Variants in PAK4 observed in about 807,000 individuals in gnomAD.
The protein encoded by PAK4 is p21 (RAC1) activated kinase 4.
In PAK4, 49 loss-of-function variants were observed where a neutral mutation model predicts 53.5. That is an observed-to-expected ratio of 0.92 (90% confidence interval 0.73 to 1.16). PAK4 has a LOEUF of 1.16. Ranked by LOEUF, PAK4 falls within the 50% of genes most tolerant of loss-of-function variation. The probability of loss-of-function intolerance (pLI) is 0.00; values close to 1 mark genes in which losing one functional copy is unlikely to be tolerated. For missense variants in PAK4, 824 were observed against 850.7 expected, an observed-to-expected ratio of 0.97 and a Z score of 0.39; for synonymous variants, 376 against 375.6, an observed-to-expected ratio of 1.00 and a Z score of -0.01.
At chr19:39,134,173 G>A (rs1239640317) in intron 1 of PAK4, among the ~76,000 whole-genome samples, 2 of 152,192 alleles carry the variant, frequency 1.3e-5, no homozygotes, top group Non-Finnish European at 2.9e-5. Flanking sequence ...TATACACAGC[G>A]CTTCTAACTC....
chr19:39,154,673 TC>T (rs1174052648), intron 1 of PAK4, among the ~76,000 whole-genome samples: 5 of 152,186 alleles, frequency 3.3e-5, no homozygotes, highest in Non-Finnish European at 7.4e-5. Context: ...ATTGGGGACC[TC>T]GTTTCCTGTG....
chr19:39,129,376 C>T (rs1336416056), intron 1 of PAK4, among the ~76,000 whole-genome samples: 1 of 152,054 alleles, frequency 6.6e-6, no homozygotes, highest in Non-Finnish European at 1.5e-5. Context: ...TATAACCGTG[C>T]AGCAGTGGGC....
chr19:39,152,573 G>A (rs900547445), intron 1 of PAK4, among the ~76,000 whole-genome samples: 4 of 152,128 alleles, frequency 2.6e-5, no homozygotes, highest in Admixed American at 1.3e-4. Flanking sequence ...CAGTAAGAAC[G>A]AACCTTCTAT....
At chr19:39,156,042 C>T (rs1388141727) in intron 1 of PAK4, among the ~76,000 whole-genome samples, 1 of 152,180 alleles carries the variant, frequency 6.6e-6, no homozygotes, top group African/African-American at 2.4e-5. Flanking sequence ...ATCCACACCT[C>T]CCGGCCCTAT....
intron 1 of PAK4, among the ~76,000 whole-genome samples, chr19:39,128,314 A>G (rs1368547931): frequency 6.6e-6 from 1 of 152,156 alleles, no homozygotes; most frequent in Non-Finnish European, 1.5e-5. Context: ...GGAGGGCCTC[A>G]GAGACAGTGG....
At chr19:39,133,188 CATCTGTAAA>C (rs2073746126) in intron 1 of PAK4, among the ~76,000 whole-genome samples, 1 of 152,214 alleles carries the variant, frequency 6.6e-6, no homozygotes, top group African/African-American at 2.4e-5. Flanking sequence ...CGGGTGTCCT[CATCTGTAAA>C]ATGAGGGTGC....
intron 1 of PAK4, among the ~76,000 whole-genome samples, chr19:39,131,727 G>A (rs548442611): frequency 1.3e-5 from 2 of 152,340 alleles, no homozygotes; most frequent in South Asian, 4.1e-4. Context: ...ACCCTTCCCA[G>A]GCTGGGAGGC....
At position 39,173,035 on chromosome 19, in the gene PAK4, C is replaced by T. The variant is rs771352703; in HGVS notation, c.322C>T (p.Pro108Ser). The T allele has an allele frequency of 6.5e-7, 1 of 1,549,050 alleles. No homozygotes were observed. The highest frequency in any genetic ancestry group is 1.2e-5 in the South Asian group (1 of 83,998). ...CCTGCGGAGAGACAGCCCGCCGCCG[C>T]CCGCCCGTGCCCGCCAGGAAAATGG... Residue 108 changes from proline (P) to serine (S), a missense_variant, in exon 3 of 9, where the codon CCC becomes TCC. Pro to Ser is a moderately conservative substitution (Grantham distance 74, BLOSUM62 -1). Coordinates refer to ENST00000358301, the Ensembl canonical transcript of PAK4. The surrounding 1 kb of genome is among the most constrained non-coding windows in gnomAD (Gnocchi z 6.9).
intron 1 of PAK4, among the ~76,000 whole-genome samples, chr19:39,132,258 T>A (rs1452486929): frequency 6.6e-6 from 1 of 152,196 alleles, no homozygotes. Context: ...CCTATTCCCC[T>A]AAATAATCAC....
At chr19:39,128,025 G>A (rs558048452) in intron 1 of PAK4, among the ~76,000 whole-genome samples, 3 of 152,298 alleles carry the variant, frequency 2.0e-5, no homozygotes, top group Admixed American at 6.5e-5. Flanking sequence ...GGGCTGAGGA[G>A]TACCTGTATG....
intron 8 of PAK4, 99 bp downstream of exon 9, chr19:39,177,908 C>T (rs2074641159): frequency 7.3e-7 from 1 of 1,364,168 alleles, no homozygotes; most frequent in East Asian, 2.5e-5. Context: ...AATGATGGCG[C>T]CTGGGATGGC....
chr19:39,156,241 C>T (rs1298573699), intron 1 of PAK4, among the ~76,000 whole-genome samples: 1 of 152,180 alleles, frequency 6.6e-6, no homozygotes, highest in East Asian at 1.9e-4. Context: ...AAGCAAGTTC[C>T]AGCTCTCCAG....
intron 1 of PAK4, among the ~76,000 whole-genome samples, chr19:39,139,657 C>T (rs1291688739): frequency 1.3e-5 from 2 of 152,166 alleles, no homozygotes; most frequent in Non-Finnish European, 2.9e-5. Flanking sequence ...TCTCTCTTTA[C>T]ACCCTCCCCC....
At chr19:39,177,559 C>G in intron 7 of PAK4, 116 bp from the exon 9 acceptor site, 4 of 1,174,082 alleles carry the variant, frequency 3.4e-6, no homozygotes, top group Non-Finnish European at 3.5e-6. Context: ...GAGTTCTGGG[C>G]CAAGGACTCC....
intron 2 of PAK4, among the ~76,000 whole-genome samples, chr19:39,172,316 A>T (rs1439943171): frequency 6.6e-6 from 1 of 152,036 alleles, no homozygotes; most frequent in Non-Finnish European, 1.5e-5. Flanking sequence ...GAGGGTGGGG[A>T]CCGGGTGACT....
chr19:39,130,274 C>G (rs1399144824), intron 1 of PAK4, among the ~76,000 whole-genome samples: 1 of 149,538 alleles, frequency 6.7e-6, no homozygotes, highest in Non-Finnish European at 1.5e-5. Flanking sequence ...GATGGGGAAA[C>G]CCAGGCAGAG....
At chr19:39,128,821 AC>A (rs1386275116) in intron 1 of PAK4, among the ~76,000 whole-genome samples, 8 of 152,140 alleles carry the variant, frequency 5.3e-5, no homozygotes, top group African/African-American at 1.9e-4. Flanking sequence ...GTATTCACCA[AC>A]AGTAGAGCAA....
chr19:39,173,674 A>G lies in PAK4; in HGVS notation c.762A>G (p.Arg254=). The G allele has an allele frequency of 6.3e-7, 1 of 1,579,640 alleles. No individual in the cohort carries two copies. Among genetic ancestry groups the G allele is most frequent in the Non-Finnish European group, 8.6e-7 (1 of 1,161,282 alleles). The change falls in exon 4 of 9, where the codon CGA becomes CGG. Residue 254 remains arginine (R), a synonymous_variant. Coordinates refer to ENST00000358301, the Ensembl canonical transcript of PAK4. This position sits in a 1 kb window ranked among gnomAD's most constrained non-coding sequence, Gnocchi z 6.9. ...CCTCCCGGCCTCCCACCCGAGCCCG[A>G]GGTGCCCCCAGCCCTGGAGTGCTGG...
exon 8 of PAK4, chr19:39,177,711 A>G (rs780152907): frequency 2.5e-6 from 4 of 1,613,576 alleles, no homozygotes; most frequent in Non-Finnish European, 3.4e-6. Context: ...GGTGATTGAG[A>G]TGGTGGACGG....
Sources: gnomAD v4.1 joint callset for allele counts (sites outside exome capture counted in the v4.1 genomes callset) on GRCh38, gnomAD v4.1.1 for gene constraint, Gnocchi (gnomAD v3.1) non-coding constraint, MANE v1.5 for transcripts, NCBI Gene and HGNC (gene_info 2026-07-23, HGNC 2026-07-21) for gene names.